AIMP1: variants seen among roughly 807,000 people sequenced by gnomAD.
The protein encoded by AIMP1 is aminoacyl tRNA synthetase complex interacting multifunctional protein 1.
A neutral mutation model predicts 33.1 loss-of-function variants in AIMP1; 24 were observed. The ratio of observed to expected loss-of-function variants is 0.73; its 90% CI spans 0.53 to 1.02. The LOEUF is 1.02. AIMP1 is among the 50% of genes least tolerant of loss of function. The pLI is 0.00. For synonymous variants in AIMP1, 120 were observed against 121.5 expected (o/e 0.99, Z 0.08); for missense variants, 367 against 364.8 (o/e 1.01, Z -0.05).
At chr4:106,325,826 A>G (rs1429234423) in intron 2 of AIMP1, among the ~76,000 whole-genome samples, 5 of 152,128 alleles carry the variant, frequency 3.3e-5, no homozygotes, top group African/African-American at 2.4e-5. Flanking sequence ...ACCTACCTAT[A>G]TATAATTTTA....
chr4:106,344,375 T>C (rs991620464), intron 6 of AIMP1, among the ~76,000 whole-genome samples: 15 of 152,156 alleles, frequency 9.9e-5, no homozygotes, highest in African/African-American at 3.6e-4. Context: ...GTATTTTTCA[T>C]CTTATTTGAT....
chr4:106,336,674 T>A (rs1769895719), intron 5 of AIMP1, among the ~76,000 whole-genome samples, 195 bp from the exon 6 acceptor site: 1 of 152,168 alleles, frequency 6.6e-6, no homozygotes, highest in Non-Finnish European at 1.5e-5. Context: ...CGTTATCAAT[T>A]TGGAGGAATT....
At chr4:106,344,624 A>T (rs1344961543) in intron 6 of AIMP1, among the ~76,000 whole-genome samples, 1 of 152,176 alleles carries the variant, frequency 6.6e-6, no homozygotes, top group African/African-American at 2.4e-5. Context: ...AGGCAGAGTG[A>T]TCTAGCAGAT....
chr4:106,341,949 G>A (rs954436094), intron 6 of AIMP1, among the ~76,000 whole-genome samples: 1 of 152,170 alleles, frequency 6.6e-6, no homozygotes, highest in East Asian at 1.9e-4. Context: ...CCATGTGTTT[G>A]TATCATCTGT....
chr4:106,333,150 G>A (rs1319508444), intron 5 of AIMP1, among the ~76,000 whole-genome samples: 1 of 152,012 alleles, frequency 6.6e-6, no homozygotes, highest in Non-Finnish European at 1.5e-5. Context: ...GGTCACTTGT[G>A]ATTATTTGGT....
intron 1 of AIMP1, among the ~76,000 whole-genome samples, chr4:106,319,613 C>T (rs1769119531): frequency 6.6e-6 from 1 of 152,148 alleles, no homozygotes; most frequent in South Asian, 2.1e-4. Context: ...TTGATCCTCA[C>T]CAAACACAAT....
chr4:106,316,909 A>G (rs1281275303), intron 1 of AIMP1, among the ~76,000 whole-genome samples: 1 of 152,176 alleles, frequency 6.6e-6, no homozygotes, highest in East Asian at 1.9e-4. Flanking sequence ...GAGGAGGGTG[A>G]AGACAGGAAT....
chr4:106,329,266 C>T lies in AIMP1; in HGVS notation c.391+1023C>T, dbSNP rs541037991. ...ACTAACTCTTCTAGTTTATAAAGTA[C>T]GTTAAGAAGTAGACACAAAACAACT... On this transcript the variant is annotated intron_variant, in intron 4 of 6. Coordinates refer to ENST00000672341, the MANE Select transcript of AIMP1 (RefSeq NM_001142416.2). Among the ~76,000 whole-genome samples, 6 of 152,254 alleles carry T rather than the reference C, an allele frequency of 3.9e-5. No homozygotes were observed. The East Asian group carries it at 1.2e-3, about 29-fold the overall frequency.
intron 1 of AIMP1, 120 bp downstream of exon 1, chr4:106,316,714 G>A (rs1579620828): frequency 4.3e-6 from 4 of 921,394 alleles, no homozygotes; most frequent in East Asian, 2.7e-5. Context: ...TGGGTAGTCC[G>A]TTCGCAGCAG....
At position 106,328,251 on chromosome 4, in the gene AIMP1, T is replaced by G. The variant is rs746760639; in HGVS notation, c.391+8T>G. On this transcript the variant is annotated splice_region_variant and intron_variant, in intron 4 of 6. Coordinates refer to ENST00000672341, the MANE Select transcript of AIMP1 (RefSeq NM_001142416.2). ...AGAAAATTGAAAAGAAAGGTATTTT[T>G]GACCTTTAAGCATATTTAGCTCTTG... The G allele has an allele frequency of 1.4e-5, 22 of 1,596,878 alleles. No homozygotes were observed. In the African/African-American group the frequency reaches 2.8e-4, roughly 20 times the overall value.
chr4:106,349,244 G>T lies in AIMP1; in HGVS notation c.*1552G>T. On this transcript the variant is annotated 3_prime_UTR_variant, in exon 7 of 7. Transcript: ENST00000672341. ...TGACAAAGTCTTTTGTGAGTTTTTTGCTCTAATTTTTCTCAATTATATTAA... is the reference window on the plus strand; with the variant it reads ...TGACAAAGTCTTTTGTGAGTTTTTTTCTCTAATTTTTCTCAATTATATTAA... 1 of 151,470 alleles carries T rather than the reference G, an allele frequency of 6.6e-6. No homozygotes were observed. The allele number at this position is 151,470 out of a possible 1,614,324, so 9.4% of individuals were successfully genotyped here.
Position 106,331,720 on chromosome 4 carries a change from C to T in AIMP1, c.440C>T (p.Ser147Phe), listed in dbSNP as rs746115559. 6.2e-7 allele frequency: 1 copy of T among 1,613,994 alleles called. No homozygotes were observed. The highest frequency in any genetic ancestry group is 8.5e-7 in the Non-Finnish European group (1 of 1,179,954). The change falls in exon 5 of 7, where the codon TCT becomes TTT. Residue 147 changes from serine (S) to phenylalanine (F), a missense_variant. Ser to Phe is a radical substitution (Grantham distance 155). Transcript: ENST00000672341. ...KQQSIAGSAD[S>F]KPIDVSRLDL... The stretch of plus-strand genomic sequence containing the variant: ...CAATCAATAGCTGGAAGTGCCGACT[C>T]TAAGCCAATAGATGTTTCCCGTCTG...
Position 106,325,053 on chromosome 4 carries a change from G to C in AIMP1, c.44G>C (p.Gly15Ala), listed in dbSNP as rs1299480071. Residue 15 changes from glycine (G) to alanine (A), a missense_variant, in exon 2 of 7, where the codon GGT (glycine) becomes GCT (alanine). By Grantham distance (60) the Gly-to-Ala change is moderately conservative (BLOSUM62 0). Transcript: ENST00000672341. ...DAVLKRLEQK[G>A]AEADQIIEYL... Reference sequence around the variant, plus strand: ...GTTCTGAAGAGACTGGAGCAGAAGGGTGCAGAGGCAGATCAAATCATTGAA... The same window carrying C: ...GTTCTGAAGAGACTGGAGCAGAAGGCTGCAGAGGCAGATCAAATCATTGAA... 6.2e-7 allele frequency: 1 copy of C among 1,613,194 alleles called. No individual in the cohort carries two copies. The highest frequency in any genetic ancestry group is 8.5e-7 in the Non-Finnish European group (1 of 1,179,428).
intron 3 of AIMP1, 21 bp from the exon 4 acceptor site, chr4:106,328,055 T>C: frequency 6.2e-7 from 1 of 1,608,806 alleles, no homozygotes; most frequent in East Asian, 2.2e-5. Flanking sequence ...ATGAATGACA[T>C]TATTTCATTT....
At chr4:106,336,757 C>G (rs1769900656) in intron 5 of AIMP1, 112 bp from the exon 6 acceptor site, 4 of 1,064,776 alleles carry the variant, frequency 3.8e-6, no homozygotes, top group Non-Finnish European at 5.8e-6. Context: ...AAGGTACATC[C>G]ACAAAAGTAG....
At chr4:106,336,225 G>GT (rs1391415382) in intron 5 of AIMP1, among the ~76,000 whole-genome samples, 1 of 146,254 alleles carries the variant, frequency 6.8e-6, no homozygotes, top group African/African-American at 2.5e-5. Flanking sequence ...TAGAGACTGG[G>GT]TTTTGCCATT....
intron 6 of AIMP1, among the ~76,000 whole-genome samples, chr4:106,339,168 G>A (rs1770003449): frequency 6.6e-6 from 1 of 152,204 alleles, no homozygotes; most frequent in Non-Finnish European, 1.5e-5. Flanking sequence ...CTGGACTGTG[G>A]GCTTTTGAGT....
At chr4:106,332,311 C>G (rs1329337188) in intron 5 of AIMP1, among the ~76,000 whole-genome samples, 3 of 151,746 alleles carry the variant, frequency 2.0e-5, no homozygotes, top group Non-Finnish European at 4.4e-5. Context: ...CATTTTTCCT[C>G]AAGTATGAAA....
At chr4:106,340,645 A>G (rs1039726211) in intron 6 of AIMP1, among the ~76,000 whole-genome samples, 1 of 152,188 alleles carries the variant, frequency 6.6e-6, no homozygotes, top group Non-Finnish European at 1.5e-5. Context: ...GCTGCATGGT[A>G]TTCCATAGTA....
Sources: gnomAD v4.1 joint callset for allele counts (sites outside exome capture counted in the v4.1 genomes callset) on GRCh38, gnomAD v4.1.1 for gene constraint, MANE v1.5 for transcripts, NCBI Gene and HGNC (gene_info 2026-07-23, HGNC 2026-07-21) for gene names.